ATP2C1: variants seen among roughly 807,000 people sequenced by gnomAD.
ATP2C1 encodes ATPase secretory pathway Ca2+ transporting 1, also known as calcium-transporting ATPase type 2C member 1.
A neutral mutation model predicts 120.5 loss-of-function variants in ATP2C1; 31 were observed. The observed-to-expected ratio is 0.26, with a 90% confidence interval of 0.19 to 0.35. The LOEUF (loss-of-function observed/expected upper bound fraction) is 0.35. Ranked by LOEUF, ATP2C1 falls within the 10% of genes least tolerant of loss-of-function variation. The pLI is 1.00. For missense variants in ATP2C1, 731 were observed against 1,107.5 expected, an observed-to-expected ratio of 0.66 and a Z score of 4.83; for synonymous variants, 351 against 358.7, an observed-to-expected ratio of 0.98 and a Z score of 0.24.
chr3:130,939,599 A>G (rs2108433716), intron 6 of ATP2C1, among the ~76,000 whole-genome samples: 1 of 152,328 alleles, frequency 6.6e-6, no homozygotes, highest in South Asian at 2.1e-4. Context: ...ACTGGGATCT[A>G]GGATTGATGG....
At chr3:130,979,130 T>G in intron 18 of ATP2C1, 119 bp from the exon 19 acceptor site, 1 of 942,706 alleles carries the variant, frequency 1.1e-6, no homozygotes, top group Non-Finnish European at 1.7e-6. Context: ...ACAAATGACA[T>G]TATAGTCTTA....
At chr3:130,882,499 C>A (rs2068817224) in intron 1 of ATP2C1, among the ~76,000 whole-genome samples, 1 of 152,124 alleles carries the variant, frequency 6.6e-6, no homozygotes, top group Non-Finnish European at 1.5e-5. Context: ...CCATGCCCAG[C>A]ACAACTTTTA....
chr3:130,982,606 G>A (rs1453702742), intron 20 of ATP2C1, among the ~76,000 whole-genome samples: 1 of 152,014 alleles, frequency 6.6e-6, no homozygotes, highest in Non-Finnish European at 1.5e-5. Flanking sequence ...GCACTTATCT[G>A]GAATTTATTT....
In ATP2C1 at chr3:130,868,117, G is replaced by C. The variant is rs1291090487; in HGVS notation, c.108+17189G>C. The stretch of plus-strand genomic sequence containing the variant: ...CGGCAGCCACCCCGTCCCGGAGGGA[G>C]GTGGGGGGGCTCAGCCCCCCGCCCG... On this transcript the variant is annotated intron_variant, in intron 1 of 26. Coordinates refer to the ATP2C1 transcript ENST00000504381. 13 of 148,480 alleles carry C rather than the reference G, an allele frequency of 8.8e-5. 1 individual carries two copies. In the East Asian group the frequency reaches 2.7e-3, roughly 31 times the overall value. The allele number at this position is 148,480 out of a possible 1,614,324, so 9.2% of individuals were successfully genotyped here.
chr3:130,926,182 G>A (rs987755646), intron 2 of ATP2C1, among the ~76,000 whole-genome samples: 2 of 152,284 alleles, frequency 1.3e-5, no homozygotes, highest in South Asian at 4.1e-4. Flanking sequence ...GGTAGTTCTT[G>A]TATTGTAGCA....
Position 130,980,686 on chromosome 3 carries a change from C to A in ATP2C1, c.1839+7C>A. The stretch of plus-strand genomic sequence containing the variant: ...TTCACAAATAGTACCAAAGGTAGGC[C>A]TAAACTAAAGCCTTTTGGACTGAAA... On this transcript the variant is annotated splice_region_variant and intron_variant, in intron 20 of 27. Transcript: ENST00000510168. The A allele has an allele frequency of 6.2e-7, 1 of 1,605,152 alleles. No individual in the cohort carries two copies. The highest frequency in any genetic ancestry group is 8.5e-7 in the Non-Finnish European group (1 of 1,172,200).
intron 2 of ATP2C1, among the ~76,000 whole-genome samples, chr3:130,915,066 C>T (rs552860644): frequency 2.5e-4 from 38 of 150,634 alleles, no homozygotes; most frequent in African/African-American, 9.0e-4. Flanking sequence ...TAATTGTGAA[C>T]TTACTGGGAT....
At chr3:131,010,883 C>A (rs1413510271) in intron 26 of ATP2C1, among the ~76,000 whole-genome samples, 1 of 152,234 alleles carries the variant, frequency 6.6e-6, no homozygotes, top group Non-Finnish European at 1.5e-5. Flanking sequence ...TTCCCACATT[C>A]CTTGCTTTGC....
At chr3:130,989,425 C>G (rs1364595695) in intron 20 of ATP2C1, among the ~76,000 whole-genome samples, 1 of 147,364 alleles carries the variant, frequency 6.8e-6, no homozygotes, top group African/African-American at 2.5e-5. Context: ...ATTAGCTGGG[C>G]GTGGTGGTGC....
At chr3:130,951,899 A>G (rs952661383) in intron 8 of ATP2C1, among the ~76,000 whole-genome samples, 1 of 152,152 alleles carries the variant, frequency 6.6e-6, no homozygotes, top group African/African-American at 2.4e-5. Context: ...TTGGAGTTAT[A>G]TTTATTTTCA....
chr3:131,013,880 A>G (rs1239428115), intron 26 of ATP2C1: 1 of 527,156 alleles, frequency 1.9e-6, no homozygotes, highest in Admixed American at 3.7e-5. Context: ...GAAGCTTCTT[A>G]AATCAGGTTG....
intron 2 of ATP2C1, among the ~76,000 whole-genome samples, chr3:130,907,257 C>CTGTTCTCCCATTCTGTGGATT (rs1325159460): frequency 1.3e-5 from 2 of 152,026 alleles, no homozygotes; most frequent in African/African-American, 4.8e-5. Flanking sequence ...ATTACCTGTT[C>CTGTTCTCCCATTCTGTGGATT]ACTTTCTGAA....
At position 130,894,775 on chromosome 3, in the gene ATP2C1, G is replaced by C. The variant is rs2069441735; in HGVS notation, c.6G>C (p.Lys2Asn). 1 of 1,614,066 alleles carries C rather than the reference G, an allele frequency of 6.2e-7. No individual in the cohort carries two copies. The highest frequency in any genetic ancestry group is 8.5e-7 in the Non-Finnish European group (1 of 1,180,008). The change falls in exon 2 of 28, where the codon AAG (lysine) becomes AAC (asparagine). Residue 2 changes from lysine (K) to asparagine (N), a missense_variant and splice_region_variant. Physicochemically the swap from Lys to Asn is moderately conservative, Grantham distance 94. Around this residue, in one of 3 missense-constraint regions of ATP2C1, gnomAD observed 571 missense variants for 845.9 expected, o/e 0.67. Transcript: ENST00000510168. The surrounding 1 kb of genome is among the most constrained non-coding windows in gnomAD (Gnocchi z 4.5). M[K>N]VARFQKIPNG... ...GAGTGCAGTTTCGATGGAAAATGAAGGTAAAGGCCCCTGGCCGACCGGTTG... is the reference window on the plus strand; with the variant it reads ...GAGTGCAGTTTCGATGGAAAATGAACGTAAAGGCCCCTGGCCGACCGGTTG...
upstream of ATP2C1, among the ~76,000 whole-genome samples, chr3:130,893,765 G>A (rs1576610075): frequency 1.3e-5 from 2 of 152,162 alleles, no homozygotes; most frequent in Non-Finnish European, 2.9e-5. Flanking sequence ...TCCGACCCTC[G>A]CGTTCAGGGG....
chr3:130,998,245 C>A, intron 25 of ATP2C1, 49 bp from the exon 26 acceptor site: 2 of 1,187,228 alleles, frequency 1.7e-6, no homozygotes, highest in Non-Finnish European at 2.5e-6. Context: ...AGCGATTTAT[C>A]CATTAAATTC....
At chr3:130,896,491 T>C (rs748270288) in intron 2 of ATP2C1, among the ~76,000 whole-genome samples, 30 of 152,182 alleles carry the variant, frequency 2.0e-4, no homozygotes, top group Non-Finnish European at 4.1e-4. Context: ...TTTTTTTATA[T>C]ATAAACAGTT....
rs887015346 is a variant in ATP2C1, at chr3:130,991,208, C to T, written c.1840-1743C>T. ...AAAAAGGTAGGAGGAAGACCAGTAT[C>T]GGTGGTAGTGGAAGCCAAGGGAAGA... On this transcript the variant is annotated intron_variant, in intron 20 of 27. Transcript: ENST00000510168. Among the ~76,000 whole-genome samples the T allele has an allele frequency of 6.6e-5, 10 of 151,982 alleles. No homozygotes were observed. The East Asian group carries it at 1.7e-3, about 26-fold the overall frequency.
At chr3:130,902,879 G>A (rs1043202817) in intron 2 of ATP2C1, among the ~76,000 whole-genome samples, 1 of 151,882 alleles carries the variant, frequency 6.6e-6, no homozygotes, top group African/African-American at 2.4e-5. Flanking sequence ...CAGGACCACC[G>A]ATATTTTCAT....
intron 2 of ATP2C1, chr3:130,929,713 C>A (rs2059372181): frequency 6.5e-6 from 1 of 153,380 alleles, no homozygotes; most frequent in Non-Finnish European, 1.5e-5. Context: ...GGATTTATTT[C>A]TAGAGTTGTG....
Sources: gnomAD v4.1 joint callset for allele counts (sites outside exome capture counted in the v4.1 genomes callset) on GRCh38, gnomAD v4.1.1 for gene constraint, gnomAD v4.1.1 regional missense constraint, Gnocchi (gnomAD v3.1) non-coding constraint, MANE v1.5 for transcripts, NCBI Gene and HGNC (gene_info 2026-07-23, HGNC 2026-07-21) for gene names.